Variants in ASIC2 observed in about 807,000 individuals in gnomAD.
ASIC2 encodes acid-sensing ion channel 2.
Under a neutral mutation model 57.3 loss-of-function variants are expected in ASIC2, and 25 were observed. The observed-to-expected ratio is 0.44, with a 90% confidence interval of 0.32 to 0.61. The LOEUF (loss-of-function observed/expected upper bound fraction) is 0.61. Ranked by LOEUF, ASIC2 falls within the 20% of genes least tolerant of loss-of-function variation. The probability of loss-of-function intolerance (pLI) is 0.06; values close to 1 mark genes in which losing one functional copy is unlikely to be tolerated. For missense variants in ASIC2, 641 were observed against 738.1 expected (o/e 0.87, Z 1.52); for synonymous variants, 319 against 307.5 (o/e 1.04, Z -0.39).
chr17:33,846,423 A>G (rs1408431243), intron 1 of ASIC2, among the ~76,000 whole-genome samples: 1 of 152,152 alleles, frequency 6.6e-6, no homozygotes, highest in East Asian at 1.9e-4. Context: ...AGTTGGCCTC[A>G]CTAATAGCTC....
chr17:33,208,728 A>G lies in ASIC2; in HGVS notation c.708+82680T>C, dbSNP rs149653724. 4.8e-3 allele frequency among the ~76,000 whole-genome samples: 733 copies of G among 152,214 alleles called. 3 individuals are homozygous for G. Among genetic ancestry groups the G allele is most frequent in the Middle Eastern group, 0.027 (8 of 294 alleles). On this transcript the variant is annotated intron_variant, in intron 1 of 9. Transcript: ENST00000225823. ...GTTCTCTATGTAAAATGCAGGATCTATGAAAGACATGATCAGTCTTGTTGA... is the reference window on the plus strand; with the variant it reads ...GTTCTCTATGTAAAATGCAGGATCTGTGAAAGACATGATCAGTCTTGTTGA...
At chr17:34,015,435 G>A (rs1050721508) in intron 1 of ASIC2, among the ~76,000 whole-genome samples, 1 of 152,212 alleles carries the variant, frequency 6.6e-6, no homozygotes, top group Non-Finnish European at 1.5e-5. Flanking sequence ...GCCAAAGAAT[G>A]TTGAGTGTGA....
intron 1 of ASIC2, among the ~76,000 whole-genome samples, chr17:33,629,447 C>T (rs1017428791): frequency 6.6e-6 from 1 of 152,160 alleles, no homozygotes; most frequent in Non-Finnish European, 1.5e-5. Context: ...CAGAGGGCTA[C>T]TCAGTTTTTA....
chr17:33,032,438 C>CTTTTT (rs1336737148), intron 3 of ASIC2, among the ~76,000 whole-genome samples: 17 of 83,644 alleles, frequency 2.0e-4, no homozygotes, highest in Non-Finnish European at 3.1e-4. Context: ...CTATAATACA[C>CTTTTT]TGTTTTTTTT....
intron 1 of ASIC2, among the ~76,000 whole-genome samples, chr17:33,594,038 C>T (rs1424524125): frequency 7.9e-5 from 12 of 152,266 alleles, no homozygotes; most frequent in Admixed American, 1.3e-4. Context: ...TCTTTGGACA[C>T]TGTCCCATCA....
intron 1 of ASIC2, among the ~76,000 whole-genome samples, chr17:33,867,610 C>A (rs1372547684): frequency 6.6e-6 from 1 of 152,150 alleles, no homozygotes; most frequent in African/African-American, 2.4e-5. Context: ...CAAGGGGACA[C>A]AAGGGAAAGA....
chr17:33,705,274 G>A (rs747371442), intron 1 of ASIC2, among the ~76,000 whole-genome samples: 1 of 152,220 alleles, frequency 6.6e-6, no homozygotes, highest in East Asian at 1.9e-4. Context: ...TAAAAAATTG[G>A]TACATATTCT....
chr17:33,222,324 C>G (rs905822914), intron 1 of ASIC2, among the ~76,000 whole-genome samples: 4 of 152,130 alleles, frequency 2.6e-5, no homozygotes, highest in Non-Finnish European at 5.9e-5. Context: ...AAGTCAGACA[C>G]AAAAGGTCAC....
At chr17:33,306,384 T>G (rs1351117332) in intron 1 of ASIC2, among the ~76,000 whole-genome samples, 2 of 152,190 alleles carry the variant, frequency 1.3e-5, no homozygotes, top group Admixed American at 1.3e-4. Flanking sequence ...ACCCACACAT[T>G]AATACAGAGA....
At chr17:33,122,623 C>A (rs758471177) in intron 1 of ASIC2, among the ~76,000 whole-genome samples, 13 of 152,198 alleles carry the variant, frequency 8.5e-5, no homozygotes, top group Non-Finnish European at 1.6e-4. Flanking sequence ...ATTAACATTT[C>A]TACTACCTCA....
intron 1 of ASIC2, among the ~76,000 whole-genome samples, chr17:33,846,561 C>T (rs1913609747): frequency 1.3e-5 from 2 of 152,082 alleles, no homozygotes; most frequent in African/African-American, 4.8e-5. Flanking sequence ...TGCCACCCCA[C>T]CAAAATGACT....
chr17:33,117,868 T>C (rs1362976821), intron 1 of ASIC2, among the ~76,000 whole-genome samples: 2 of 152,128 alleles, frequency 1.3e-5, no homozygotes, highest in African/African-American at 4.8e-5. Context: ...CAGAGATTAA[T>C]TGAAAAATGG....
At chr17:33,917,827 G>A (rs749938490) in intron 1 of ASIC2, among the ~76,000 whole-genome samples, 4 of 151,426 alleles carry the variant, frequency 2.6e-5, no homozygotes, top group Non-Finnish European at 4.4e-5. Flanking sequence ...TGATCCAGTA[G>A]TTTAGCTTAC....
chr17:33,946,349 G>T (rs1317263795), intron 1 of ASIC2, among the ~76,000 whole-genome samples: 1 of 152,178 alleles, frequency 6.6e-6, no homozygotes, highest in Non-Finnish European at 1.5e-5. Flanking sequence ...GGAAATCACA[G>T]TGCCCTCTGC....
intron 1 of ASIC2, chr17:33,572,045 G>A (rs899072634): frequency 8.5e-5 from 13 of 152,224 alleles, no homozygotes; most frequent in African/African-American, 2.4e-4. Flanking sequence ...CTGGTGTTTC[G>A]ACTTTGCCCC....
intron 1 of ASIC2, among the ~76,000 whole-genome samples, chr17:33,870,220 TTC>T (rs1464800071): frequency 8.3e-6 from 1 of 120,924 alleles, no homozygotes; most frequent in Non-Finnish European, 1.7e-5. Flanking sequence ...TGATGAGAAA[TTC>T]TGTTTTTTTT....
chr17:33,579,809 T>C lies in ASIC2; in HGVS notation c.556-467742A>G, dbSNP rs551138477. On this transcript the variant is annotated intron_variant, in intron 1 of 9. Coordinates refer to the ASIC2 transcript ENST00000359872. ...ACTACCACACCGTGAAAAACACCCC[T>C]TGGATTTCGGCGTCTGGCTCGGGTG... Among the ~76,000 whole-genome samples the C allele has an allele frequency of 4.1e-4, 62 of 152,192 alleles. 2 individuals carry two copies. In the South Asian group the frequency reaches 0.01, roughly 25 times the overall value.
At chr17:34,084,890 T>C (rs574976768) in intron 1 of ASIC2, among the ~76,000 whole-genome samples, 1 of 152,264 alleles carries the variant, frequency 6.6e-6, no homozygotes, top group Non-Finnish European at 1.5e-5. Context: ...ATTGATTTTG[T>C]ATCCTGAGAC....
chr17:33,068,896 CT>C (rs201097903), intron 3 of ASIC2, among the ~76,000 whole-genome samples: 28 of 151,016 alleles, frequency 1.9e-4, no homozygotes, highest in African/African-American at 3.6e-4. Context: ...ATTTGCTCTT[CT>C]TTTTTTTTAG....
Sources: allele counts gnomAD v4.1 joint callset (sites outside exome capture counted in the v4.1 genomes callset), GRCh38; gene constraint gnomAD v4.1.1; transcripts MANE v1.5; gene names NCBI Gene and HGNC (gene_info 2026-07-23, HGNC 2026-07-21).